The following MRRF variants were observed in gnomAD, a reference collection of about 807,000 sequenced individuals.
The protein encoded by MRRF is mitochondrial ribosome recycling factor.
MRRF carries 18 observed loss-of-function variants against 25.1 expected under a neutral mutation model. The ratio of observed to expected loss-of-function variants is 0.72; its 90% CI spans 0.50 to 1.06. The LOEUF (loss-of-function observed/expected upper bound fraction) is 1.06. MRRF is among the 50% of genes least tolerant of loss of function. The pLI is 0.00. For missense variants in MRRF, 323 were observed against 319.3 expected (o/e 1.01, Z -0.09); for synonymous variants, 113 against 112.1 (o/e 1.01, Z -0.05).
rs536214453 is a variant in MRRF, at chr9:122,290,065, A to G, written c.460-1684A>G. Among the ~76,000 whole-genome samples the G allele has an allele frequency of 5.3e-5, 8 of 150,696 alleles. No individual in the cohort carries two copies. The South Asian group carries it at 6.4e-4, about 12-fold the overall frequency. ...TGAGACCCTGTCTCAAAAAAAAAAA[A>G]GAAAAAAGAAAAAGAAAAGAAAAAT... is the stretch of plus-strand genomic sequence containing the variant. On this transcript the variant is annotated intron_variant, in intron 4 of 6. Coordinates refer to ENST00000344641, the MANE Select transcript of MRRF (RefSeq NM_138777.5).
chr9:122,276,010 C>T (rs1832748212), intron 2 of MRRF, among the ~76,000 whole-genome samples: 1 of 151,890 alleles, frequency 6.6e-6, no homozygotes, highest in Non-Finnish European at 1.5e-5. Flanking sequence ...TGGGTTCAAG[C>T]AATTCTCCTG....
At chr9:122,274,754 C>A (rs1024759124) in intron 2 of MRRF, among the ~76,000 whole-genome samples, 1 of 151,964 alleles carries the variant, frequency 6.6e-6, no homozygotes, top group Non-Finnish European at 1.5e-5. Flanking sequence ...TTTTTATAGT[C>A]ATGTCCATTT....
chr9:122,292,464 GT>G (rs1833835949), intron 5 of MRRF, among the ~76,000 whole-genome samples: 1 of 152,076 alleles, frequency 6.6e-6, no homozygotes, highest in African/African-American at 2.4e-5. Flanking sequence ...AGAACTTAAA[GT>G]TTTAAGTGAA....
intron 6 of MRRF, among the ~76,000 whole-genome samples, chr9:122,317,989 T>C (rs1020334182): frequency 6.6e-6 from 1 of 152,004 alleles, no homozygotes; most frequent in Non-Finnish European, 1.5e-5. Flanking sequence ...CATAAAAAAT[T>C]AGCCGGGCAT....
chr9:122,307,054 G>A (rs181891852), intron 5 of MRRF, among the ~76,000 whole-genome samples: 1 of 152,298 alleles, frequency 6.6e-6, no homozygotes, highest in Admixed American at 6.5e-5. Flanking sequence ...ACGTAAAACA[G>A]GCTAGTGGGA....
chr9:122,271,867 C>G lies in MRRF; in HGVS notation c.184+792C>G, dbSNP rs145638369. Reference sequence around the variant, plus strand: ...TGCAGTGGTGGATCAGGGAGTCCTCCCCCAAGAATGGCGCTAGATATATGC... The same window carrying G: ...TGCAGTGGTGGATCAGGGAGTCCTCGCCCAAGAATGGCGCTAGATATATGC... On this transcript the variant is annotated intron_variant, in intron 2 of 6. Coordinates refer to ENST00000344641, the MANE Select transcript of MRRF (RefSeq NM_138777.5). Among the ~76,000 whole-genome samples the G allele has an allele frequency of 3.3e-5, 5 of 152,254 alleles. No individual in the cohort carries two copies. In the East Asian group the frequency reaches 9.6e-4, roughly 29 times the overall value.
chr9:122,284,179 G>T (rs1006766738), intron 3 of MRRF, among the ~76,000 whole-genome samples: 1 of 152,118 alleles, frequency 6.6e-6, no homozygotes, highest in Non-Finnish European at 1.5e-5. Flanking sequence ...CTCCAGGGTG[G>T]GGCCCAGGAA....
chr9:122,272,759 C>G (rs771528142), intron 2 of MRRF, among the ~76,000 whole-genome samples: 1 of 151,736 alleles, frequency 6.6e-6, no homozygotes. Flanking sequence ...TTTTTTAGTC[C>G]TTTATTAATT....
At position 122,271,074 on chromosome 9, in the gene MRRF, A is replaced by G. The variant is rs1419618389; in HGVS notation, c.183A>G (p.Lys61=). The G allele has an allele frequency of 2.5e-6, 4 of 1,613,738 alleles. No homozygotes were observed. The African/African-American group carries it at 5.3e-5, about 22-fold the overall frequency. The part of the protein sequence containing the change: ...PVRHFATKKA[K]AKGKGQSQTR... ...GCCATTTTGCTACCAAGAAAGCCAA[A>G]GGTAGAGACATGTGACGTTCTCTCC... is the stretch of plus-strand genomic sequence containing the variant. The change falls in exon 2 of 7, where the codon AAA becomes AAG. Residue 61 remains lysine (K), a splice_region_variant and synonymous_variant. Transcript: ENST00000344641.
chr9:122,278,651 A>G (rs1020533938), intron 2 of MRRF, among the ~76,000 whole-genome samples: 1 of 152,166 alleles, frequency 6.6e-6, no homozygotes, highest in Non-Finnish European at 1.5e-5. Context: ...ATTAATGTGC[A>G]TATTTGGTTT....
chr9:122,313,815 A>G (rs1564512639), intron 6 of MRRF, among the ~76,000 whole-genome samples: 1 of 152,150 alleles, frequency 6.6e-6, no homozygotes, highest in Non-Finnish European at 1.5e-5. Context: ...TTGAGCACTT[A>G]GTGTTCTCAG....
intron 2 of MRRF, among the ~76,000 whole-genome samples, chr9:122,272,788 A>G (rs891872394): frequency 6.6e-6 from 1 of 152,160 alleles, no homozygotes; most frequent in African/African-American, 2.4e-5. Flanking sequence ...TTTAAGAAAT[A>G]CCCGTCTATT....
At chr9:122,302,456 T>C (rs1011971336) in intron 5 of MRRF, among the ~76,000 whole-genome samples, 1 of 152,250 alleles carries the variant, frequency 6.6e-6, no homozygotes, top group South Asian at 2.1e-4. Context: ...AGTCACACGA[T>C]ATGTGGTCTT....
rs771228635 is a variant in MRRF at position 122,324,362 on chromosome 9, G to A, written c.*1745G>A. On this transcript the variant is annotated 3_prime_UTR_variant, in exon 7 of 7. Coordinates refer to ENST00000344641, the MANE Select transcript of MRRF (RefSeq NM_138777.5). ...AGGAGGTACACAGGGCAAGGTTGAG[G>A]GAGAGGGAGAGGGTGTGGAGCTTCC... The A allele has an allele frequency of 2.6e-5, 4 of 152,240 alleles. No homozygotes were observed. Among genetic ancestry groups the A allele is most frequent in the African/African-American group, 4.8e-5 (2 of 41,454 alleles). The allele number at this position is 152,240 out of a possible 1,614,324, so 9.4% of individuals were successfully genotyped here.
In MRRF at chr9:122,271,106, AC is replaced by A. The variant is rs1564469749; in HGVS notation, c.184+35del. Reference sequence around the variant, plus strand: ...GACATGTGACGTTCTCTCCTACTTCACCCCTTTCTTATAGTTGGCCCTTGAA... The same window carrying A: ...GACATGTGACGTTCTCTCCTACTTCACCCTTTCTTATAGTTGGCCCTTGAA... On this transcript the variant is annotated intron_variant, in intron 2 of 6. Coordinates refer to ENST00000344641, the MANE Select transcript of MRRF (RefSeq NM_138777.5). 7 of 1,586,426 alleles carry A rather than the reference AC, an allele frequency of 4.4e-6. No individual in the cohort carries two copies. The South Asian group carries it at 7.7e-5, about 18-fold the overall frequency.
intron 6 of MRRF, among the ~76,000 whole-genome samples, chr9:122,316,757 C>T (rs574317115): frequency 1.6e-4 from 25 of 151,980 alleles, no homozygotes; most frequent in Admixed American, 2.0e-4. Flanking sequence ...AGTTCATCCT[C>T]CCCTCCCACA....
chr9:122,313,745 AGACG>A (rs1835345933), intron 6 of MRRF, among the ~76,000 whole-genome samples: 1 of 152,204 alleles, frequency 6.6e-6, no homozygotes, highest in African/African-American at 2.4e-5. Context: ...ATACTTAGGC[AGACG>A]GATTTCAGAG....
chr9:122,271,697 A>T (rs1385914447), intron 2 of MRRF, among the ~76,000 whole-genome samples: 1 of 152,212 alleles, frequency 6.6e-6, no homozygotes. Context: ...ATTATCGTTT[A>T]TCTGTCTTCT....
At position 122,322,765 on chromosome 9, in the gene MRRF, G is replaced by A; in HGVS notation, c.*148G>A. 2.7e-6 allele frequency: 2 copies of A among 749,392 alleles called. No individual in the cohort carries two copies. The highest frequency in any genetic ancestry group is 3.0e-5 in the South Asian group (2 of 67,166). 46.4% of individuals were successfully genotyped at this position (749,392 alleles called of 1,614,324 possible). On this transcript the variant is annotated 3_prime_UTR_variant, in exon 7 of 7. Coordinates refer to ENST00000344641, the MANE Select transcript of MRRF (RefSeq NM_138777.5). ...GTCCTTGTAAGGCCCAGCCTTCCAG[G>A]GGAACACTCAGACATGTTCATTCTC...
Sources: gnomAD v4.1 joint callset for allele counts (sites outside exome capture counted in the v4.1 genomes callset) on GRCh38, gnomAD v4.1.1 for gene constraint, MANE v1.5 for transcripts, NCBI Gene and HGNC (gene_info 2026-07-23, HGNC 2026-07-21) for gene names.